NFATC3: variants seen among roughly 807,000 people sequenced by gnomAD.
NFATC3 encodes nuclear factor of activated T-cells, cytoplasmic 3.
A neutral mutation model predicts 98.6 loss-of-function variants in NFATC3; 46 were observed. That is an observed-to-expected ratio of 0.47 (90% CI 0.37 to 0.60). The LOEUF (loss-of-function observed/expected upper bound fraction) is 0.60. Ranked by LOEUF, NFATC3 falls within the 20% of genes least tolerant of loss-of-function variation. The pLI is 0.00. For missense variants in NFATC3, 1,256 were observed against 1,295.5 expected, an observed-to-expected ratio of 0.97 and a Z score of 0.47; for synonymous variants, 512 against 472.2, an observed-to-expected ratio of 1.08 and a Z score of -1.09.
chr16:68,154,483 C>A (rs1315397694), intron 3 of NFATC3, among the ~76,000 whole-genome samples: 1 of 152,174 alleles, frequency 6.6e-6, no homozygotes, highest in Non-Finnish European at 1.5e-5. Flanking sequence ...CGTTCTCTTT[C>A]ATAGAGGCTT....
intron 4 of NFATC3, among the ~76,000 whole-genome samples, chr16:68,160,391 G>A (rs1481397238): frequency 3.3e-5 from 5 of 152,054 alleles, no homozygotes; most frequent in Non-Finnish European, 7.4e-5. Context: ...CTTGAATCCA[G>A]GAGGCAGAGG....
chr16:68,217,211 T>G (rs1172457239), intron 9 of NFATC3, among the ~76,000 whole-genome samples: 1 of 152,036 alleles, frequency 6.6e-6, no homozygotes, highest in Non-Finnish European at 1.5e-5. Context: ...GTAGGCAGAT[T>G]GCTTGAGCCC....
chr16:68,107,722 CA>C (rs1201989010), intron 1 of NFATC3, among the ~76,000 whole-genome samples: 8 of 151,222 alleles, frequency 5.3e-5, no homozygotes, highest in Admixed American at 3.3e-4. Flanking sequence ...GACACTGTAT[CA>C]AAAAAATATA....
rs1474310559 is a variant in NFATC3, at chr16:68,089,175, A to G, written c.103+3391A>G. The G allele has an allele frequency of 7.1e-6, 7 of 985,296 alleles. No homozygotes were observed. In the East Asian group the frequency reaches 7.9e-4, roughly 112 times the overall value. 61.0% of individuals were successfully genotyped at this position (985,296 alleles called of 1,614,324 possible). A position where few individuals can be genotyped will look rare whatever the true frequency, so the allele number is the denominator to read the frequency against. On this transcript the variant is annotated intron_variant, in intron 1 of 9. Coordinates refer to ENST00000346183, the MANE Select transcript of NFATC3 (RefSeq NM_173165.3). ...TTGTATCACAACTAAATTTCCATAC[A>G]GTGAGAAGATTTTTGAAAAATAGTG...
chr16:68,196,135 A>T (rs1252025231), intron 9 of NFATC3, among the ~76,000 whole-genome samples: 1 of 151,958 alleles, frequency 6.6e-6, no homozygotes, highest in Non-Finnish European at 1.5e-5. Context: ...TTTTATTTTT[A>T]TTTATTGATA....
chr16:68,192,418 T>C (rs2040484031), intron 9 of NFATC3, among the ~76,000 whole-genome samples: 1 of 151,054 alleles, frequency 6.6e-6, no homozygotes, highest in Admixed American at 6.6e-5. Context: ...TATCTGTTGC[T>C]GAATACGAGA....
intron 9 of NFATC3, chr16:68,221,742 T>C: frequency 5.2e-6 from 2 of 387,032 alleles, no homozygotes; most frequent in Non-Finnish European, 7.1e-6. Context: ...TCCTAAACTG[T>C]CAGGAACTTT....
chr16:68,095,127 TG>T (rs1190334910), intron 1 of NFATC3, among the ~76,000 whole-genome samples: 2 of 152,016 alleles, frequency 1.3e-5, no homozygotes, highest in Non-Finnish European at 2.9e-5. Context: ...AAATGGATGC[TG>T]GGAGGGGGTC....
At chr16:68,118,390 C>A (rs1294551725) in intron 1 of NFATC3, among the ~76,000 whole-genome samples, 1 of 152,124 alleles carries the variant, frequency 6.6e-6, no homozygotes, top group Non-Finnish European at 1.5e-5. Context: ...TTTTTATGTA[C>A]CTACCATCTA....
chr16:68,204,601 A>G (rs1010284921), intron 9 of NFATC3, among the ~76,000 whole-genome samples: 2 of 152,230 alleles, frequency 1.3e-5, no homozygotes, highest in Non-Finnish European at 2.9e-5. Context: ...TCTGAAATGT[A>G]GATTTTCTCA....
At chr16:68,162,990 A>G (rs2038968869) in intron 4 of NFATC3, among the ~76,000 whole-genome samples, 1 of 151,796 alleles carries the variant, frequency 6.6e-6, no homozygotes, top group African/African-American at 2.4e-5. Context: ...TTAACAAAGC[A>G]CATCTTGCAC....
chr16:68,215,963 C>T (rs1014821024), intron 9 of NFATC3, among the ~76,000 whole-genome samples: 8 of 152,026 alleles, frequency 5.3e-5, no homozygotes, highest in African/African-American at 1.7e-4. Flanking sequence ...GTCCTGACCT[C>T]GTGATCCGCC....
intron 3 of NFATC3, among the ~76,000 whole-genome samples, chr16:68,145,116 C>T (rs1456069394): frequency 6.6e-6 from 1 of 151,374 alleles, no homozygotes; most frequent in African/African-American, 2.4e-5. Context: ...TAACAACCAA[C>T]TTTTCTTTCT....
At chr16:68,198,189 G>A (rs1027880029) in intron 9 of NFATC3, among the ~76,000 whole-genome samples, 1 of 151,942 alleles carries the variant, frequency 6.6e-6, no homozygotes, top group Non-Finnish European at 1.5e-5. Context: ...AGGGTAGCAC[G>A]TGCCTGTAAT....
intron 3 of NFATC3, among the ~76,000 whole-genome samples, chr16:68,150,541 C>A (rs778855277): frequency 2.6e-5 from 4 of 151,164 alleles, no homozygotes; most frequent in Non-Finnish European, 5.9e-5. Flanking sequence ...ATGATTGTGC[C>A]ATTGCACTGT....
rs553071063 is a variant in NFATC3 at position 68,117,905 on chromosome 16, G to T, written c.104-4082G>T. On this transcript the variant is annotated intron_variant, in intron 1 of 9. Transcript: ENST00000346183. ...TACTGGAGATACAGCAGTTGAAGTT[G>T]TTCTCATATATAATAGAAATCATGT... Among the ~76,000 whole-genome samples the T allele has an allele frequency of 3.9e-5, 6 of 152,292 alleles. No homozygotes were observed. In the South Asian group the frequency reaches 1.2e-3, roughly 32 times the overall value.
intron 3 of NFATC3, among the ~76,000 whole-genome samples, chr16:68,150,274 G>A (rs923915580): frequency 6.6e-6 from 1 of 152,028 alleles, no homozygotes; most frequent in African/African-American, 2.4e-5. Flanking sequence ...TTGAAATGGA[G>A]ATTTAAAGAT....
Position 68,085,646 on chromosome 16 carries a change from G to T in NFATC3, c.-36G>T, listed in dbSNP as rs1481885744. ...GCCGCTTGCCGCTGCCGCCGCCGCC[G>T]CCTGAGGAGGAGCTGCAGCACCCTG... On this transcript the variant is annotated 5_prime_UTR_variant, in exon 1 of 10. Coordinates refer to ENST00000346183, the MANE Select transcript of NFATC3 (RefSeq NM_173165.3). 2.0e-6 allele frequency: 3 copies of T among 1,474,444 alleles called. No homozygotes were observed. Among genetic ancestry groups the T allele is most frequent in the African/African-American group, 3.0e-5 (2 of 67,614 alleles). The allele number at this position is 1,474,444 out of a possible 1,614,324, so 91.3% of individuals were successfully genotyped here. A position where few individuals can be genotyped will look rare whatever the true frequency, so the allele number is the denominator to read the frequency against.
At chr16:68,179,773 A>T (rs928253155) in intron 6 of NFATC3, among the ~76,000 whole-genome samples, 4 of 152,212 alleles carry the variant, frequency 2.6e-5, no homozygotes, top group Non-Finnish European at 5.9e-5. Flanking sequence ...AACATTTTTT[A>T]GGACCATCAG....
Sources: allele counts gnomAD v4.1 joint callset (sites outside exome capture counted in the v4.1 genomes callset), GRCh38; gene constraint gnomAD v4.1.1; transcripts MANE v1.5; gene names NCBI Gene and HGNC (gene_info 2026-07-23, HGNC 2026-07-21).